ASXL2: variants seen among roughly 807,000 people sequenced by gnomAD.
The protein encoded by ASXL2 is ASXL transcriptional regulator 2.
ASXL2 carries 23 observed loss-of-function variants against 122.0 expected under a neutral mutation model. The observed-to-expected ratio is 0.19, with a 90% confidence interval of 0.14 to 0.27. The LOEUF (loss-of-function observed/expected upper bound fraction) is 0.27, where lower values mean the gene tolerates loss of function less well. Among genes scored for constraint, ASXL2 ranks in the 10% least tolerant of loss-of-function variants. The pLI is 1.00. For missense variants in ASXL2, 1,518 were observed against 1,713.8 expected, an observed-to-expected ratio of 0.89 and a Z score of 2.02; for synonymous variants, 650 against 637.0, an observed-to-expected ratio of 1.02 and a Z score of -0.31.
At chr2:25,766,913 CTGTAATACAT>C in intron 8 of ASXL2, among the ~76,000 whole-genome samples, 1 of 152,282 alleles carries the variant, frequency 6.6e-6, no homozygotes, top group South Asian at 2.1e-4. Context: ...CCCTTCTCTT[CTGTAATACAT>C]TGTATCTCCA....
In ASXL2 at chr2:25,846,280, A is replaced by G. The variant is rs114825972; in HGVS notation, c.58-717T>C. ...CTCCGCCCTTGCCCCAGGCAATCGC[A>G]TGGGAGCAGCTGTGGTAATACCAGC... On this transcript the variant is annotated intron_variant, in intron 1 of 12. Transcript: ENST00000435504. 5.5e-3 allele frequency among the ~76,000 whole-genome samples: 830 copies of G among 152,222 alleles called. 6 individuals carry two copies. The highest frequency in any genetic ancestry group is 0.019 in the African/African-American group (777 of 41,532).
In ASXL2 at chr2:25,742,389, C is replaced by G; in HGVS notation, c.3948G>C (p.Leu1316Phe). The change falls in exon 13 of 13, where the codon TTG becomes TTC. Residue 1316 changes from leucine (L) to phenylalanine (F), a missense_variant. By Grantham distance (22) the Leu-to-Phe change is conservative. Around this residue, in one of 8 missense-constraint regions of ASXL2, gnomAD observed 831 missense variants for 833.1 expected, o/e 1.00. Coordinates refer to ENST00000435504, the MANE Select transcript of ASXL2 (RefSeq NM_018263.6). ...LLLPPLQTPKLYGSPTQIGPS... is the reference protein window; with the variant it reads ...LLLPPLQTPKFYGSPTQIGPS... ...GCCCTATCTGGGTGGGGCTTCCATA[C>G]AACTTCGGGGTTTGCAGGGGTGGAA... is the stretch of plus-strand genomic sequence containing the variant. 1 of 1,557,892 alleles carries G rather than the reference C, an allele frequency of 6.4e-7. No individual in the cohort carries two copies. The highest frequency in any genetic ancestry group is 8.7e-7 in the Non-Finnish European group (1 of 1,151,336).
chr2:25,845,882 T>A (rs989150116), intron 1 of ASXL2, among the ~76,000 whole-genome samples: 1 of 152,192 alleles, frequency 6.6e-6, no homozygotes, highest in Non-Finnish European at 1.5e-5. Flanking sequence ...TGTGTTCTGG[T>A]TCTGGTAAAG....
intron 1 of ASXL2, among the ~76,000 whole-genome samples, chr2:25,850,917 C>T (rs1416910981): frequency 6.6e-6 from 1 of 152,042 alleles, no homozygotes; most frequent in African/African-American, 2.4e-5. Context: ...GGCAGGTGGA[C>T]CACCTGAGGT....
chr2:25,856,995 A>G (rs1454986973), intron 1 of ASXL2: 1 of 286,328 alleles, frequency 3.5e-6, no homozygotes, highest in East Asian at 5.8e-5. Flanking sequence ...CAGTAATGAT[A>G]GCAAGTTTCT....
intron 5 of ASXL2, among the ~76,000 whole-genome samples, chr2:25,789,436 T>G (rs2088797047): frequency 6.6e-6 from 1 of 152,132 alleles, no homozygotes; most frequent in Non-Finnish European, 1.5e-5. Flanking sequence ...TTGGAAGTTG[T>G]TAGAGTGGTT....
chr2:25,802,725 G>C (rs1359899375), intron 4 of ASXL2, among the ~76,000 whole-genome samples: 1 of 152,182 alleles, frequency 6.6e-6, no homozygotes, highest in African/African-American at 2.4e-5. Flanking sequence ...CAATCTCAGG[G>C]AGGGAGGAGA....
intron 3 of ASXL2, among the ~76,000 whole-genome samples, chr2:25,814,484 G>A (rs1395783981): frequency 1.3e-5 from 2 of 152,222 alleles, no homozygotes; most frequent in Non-Finnish European, 2.9e-5. Context: ...AGCAGCTGTA[G>A]TAAGAACCAC....
At chr2:25,836,845 T>C (rs901696176) in intron 2 of ASXL2, among the ~76,000 whole-genome samples, 1 of 152,192 alleles carries the variant, frequency 6.6e-6, no homozygotes, top group Admixed American at 6.5e-5. Context: ...ATTCATAAAA[T>C]GCCAAATTTG....
chr2:25,854,287 C>T (rs2089752394), intron 1 of ASXL2, among the ~76,000 whole-genome samples: 1 of 152,322 alleles, frequency 6.6e-6, no homozygotes, highest in Admixed American at 6.5e-5. Context: ...ACAGTTAATA[C>T]TTATCTAGCA....
At chr2:25,837,758 G>C (rs1186475685) in intron 2 of ASXL2, among the ~76,000 whole-genome samples, 3 of 151,734 alleles carry the variant, frequency 2.0e-5, no homozygotes, top group African/African-American at 4.8e-5. Context: ...GCTGAGGTGG[G>C]AGAATCACTT....
chr2:25,767,585 G>C lies in ASXL2; in HGVS notation c.773C>G (p.Thr258Ser). The C allele has an allele frequency of 6.2e-7, 1 of 1,613,604 alleles. No homozygotes were observed. Among genetic ancestry groups the C allele is most frequent in the Non-Finnish European group, 8.5e-7 (1 of 1,179,680 alleles). Residue 258 changes from threonine to serine, a missense_variant and splice_region_variant, in exon 8 of 13, where the codon ACC becomes AGC. By Grantham distance (58) the Thr-to-Ser change is moderately conservative. Around this residue, in one of 8 missense-constraint regions of ASXL2, gnomAD observed 198 missense variants for 209.0 expected, o/e 0.95. Coordinates refer to ENST00000435504, the MANE Select transcript of ASXL2 (RefSeq NM_018263.6). ...GAAGTCTTTGTAAGCAAACTTACTG[G>C]TATGGAGTCTCTCAGATCTCTGGAA... ...KSFQRSERLHTRQMKRTKCAD... is the reference protein window; with the variant it reads ...KSFQRSERLHSRQMKRTKCAD...
At chr2:25,876,193 T>C (rs988848671) in intron 1 of ASXL2, among the ~76,000 whole-genome samples, 7 of 152,230 alleles carry the variant, frequency 4.6e-5, no homozygotes, top group Non-Finnish European at 8.8e-5. Context: ...AATATACTGG[T>C]ACCCTCAGGA....
At chr2:25,759,329 TAGG>T (rs1266482947) in intron 9 of ASXL2, among the ~76,000 whole-genome samples, 150 bp downstream of exon 9, 1 of 152,182 alleles carries the variant, frequency 6.6e-6, no homozygotes, top group African/African-American at 2.4e-5. Flanking sequence ...GAAATTCTGG[TAGG>T]AGAATTTTTT....
chr2:25,791,962 G>C (rs1476990600), intron 5 of ASXL2, among the ~76,000 whole-genome samples: 2 of 152,176 alleles, frequency 1.3e-5, no homozygotes. Flanking sequence ...ACAGACTGGA[G>C]AAGGCATGAG....
chr2:25,842,912 C>A (rs2089603990), intron 2 of ASXL2, among the ~76,000 whole-genome samples: 1 of 151,548 alleles, frequency 6.6e-6, no homozygotes, highest in African/African-American at 2.4e-5. Context: ...ACCTCCACCT[C>A]CCAGGTTCCA....
At chr2:25,810,429 CT>C in intron 3 of ASXL2, 1 of 699,396 alleles carries the variant, frequency 1.4e-6, no homozygotes, top group Non-Finnish European at 2.6e-6. Context: ...CTTCTTCCGG[CT>C]TTTGCAGGGC....
At chr2:25,856,701 A>G (rs72801880) in intron 1 of ASXL2, 1 of 1,291,464 alleles carries the variant, frequency 7.7e-7, no homozygotes, top group Non-Finnish European at 1.1e-6. Flanking sequence ...CAGTTTGCAT[A>G]CCTGGATCGA....
intron 1 of ASXL2, among the ~76,000 whole-genome samples, chr2:25,866,233 C>T (rs1427924718): frequency 2.6e-5 from 4 of 151,282 alleles, no homozygotes; most frequent in Middle Eastern, 3.4e-3. Context: ...TGGGTTCAAG[C>T]GATTCTCCTG....
Sources: gnomAD v4.1 joint callset for allele counts (sites outside exome capture counted in the v4.1 genomes callset) on GRCh38, gnomAD v4.1.1 for gene constraint, gnomAD v4.1.1 regional missense constraint, MANE v1.5 for transcripts, NCBI Gene and HGNC (gene_info 2026-07-23, HGNC 2026-07-21) for gene names.